Variants in PAG1 observed in about 807,000 individuals in gnomAD.
The protein encoded by PAG1 is phosphoprotein associated with glycosphingolipid-enriched microdomains 1.
A neutral mutation model predicts 31.7 loss-of-function variants in PAG1; 23 were observed. The ratio of observed to expected loss-of-function variants is 0.73; its 90% CI spans 0.52 to 1.03. The LOEUF is 1.03. Among genes scored for constraint, PAG1 ranks in the 50% least tolerant of loss-of-function variants. PAG1 has a pLI of 0.00. For missense variants in PAG1, 473 were observed against 540.7 expected, an observed-to-expected ratio of 0.87 and a Z score of 1.24; for synonymous variants, 214 against 210.3, an observed-to-expected ratio of 1.02 and a Z score of -0.15.
At chr8:81,022,890 C>T (rs1808214282) in intron 3 of PAG1, among the ~76,000 whole-genome samples, 2 of 152,256 alleles carry the variant, frequency 1.3e-5, no homozygotes, top group African/African-American at 4.8e-5. Context: ...CCCCATTGGC[C>T]TTTAATCTCC....
At position 81,083,276 on chromosome 8, in the gene PAG1, C is replaced by CT. The variant is rs1301455679; in HGVS notation, c.-233-13107dup. 3.2e-4 allele frequency among the ~76,000 whole-genome samples: 49 copies of CT among 152,266 alleles called. 1 individual carries two copies. Among genetic ancestry groups the CT allele is most frequent in the Non-Finnish European group, 1.2e-4 (8 of 68,024 alleles). ...GTTTCTGGTTCCCACATGATGTCCACTAACACCACCCCAGTTGGAGAGGAA... is the reference window on the plus strand; with the variant it reads ...GTTTCTGGTTCCCACATGATGTCCACTTAACACCACCCCAGTTGGAGAGGAA... On this transcript the variant is annotated intron_variant, in intron 1 of 8. Transcript: ENST00000220597.
chr8:81,000,734 AC>A (rs1484528865), intron 3 of PAG1, among the ~76,000 whole-genome samples: 1 of 152,082 alleles, frequency 6.6e-6, no homozygotes, highest in Non-Finnish European at 1.5e-5. Flanking sequence ...GAGCCACCGC[AC>A]CTGGCCTTAA....
intron 1 of PAG1, among the ~76,000 whole-genome samples, chr8:81,104,079 A>C (rs376335996): frequency 2.0e-4 from 23 of 112,832 alleles, no homozygotes; most frequent in African/African-American, 6.1e-4. Context: ...TCTTCCCCCC[A>C]TCCCCTTTCC....
intron 2 of PAG1, among the ~76,000 whole-genome samples, chr8:81,052,586 A>G (rs1013519873): frequency 1.3e-5 from 2 of 152,242 alleles, no homozygotes; most frequent in Non-Finnish European, 2.9e-5. Flanking sequence ...TTAAAAGTCT[A>G]CAGATAATTA....
intron 2 of PAG1, among the ~76,000 whole-genome samples, chr8:81,054,653 C>T (rs184635922): frequency 6.0e-5 from 9 of 151,260 alleles, no homozygotes; most frequent in African/African-American, 2.2e-4. Flanking sequence ...CCAGCCTGGG[C>T]AACAGAGCGA....
chr8:81,088,659 C>T (rs1203550343), intron 1 of PAG1, among the ~76,000 whole-genome samples: 1 of 152,208 alleles, frequency 6.6e-6, no homozygotes, highest in African/African-American at 2.4e-5. Flanking sequence ...ATAAATCTGC[C>T]TTGCCTATTT....
rs750574921 is a variant in PAG1, at chr8:80,987,469, G to GAAAACA, written c.178-9_178-4dup. On this transcript the variant is annotated splice_polypyrimidine_tract_variant and splice_region_variant and intron_variant, in intron 5 of 8. Coordinates refer to ENST00000220597, the MANE Select transcript of PAG1 (RefSeq NM_018440.4). ...CTGAACATCTCCTTGTCTGAAGGCT[G>GAAAACA]AAAACAAAAACAAAAACAAAAACAA... The GAAAACA allele has an allele frequency of 5.4e-5, 87 of 1,609,722 alleles. No individual in the cohort carries two copies. In the South Asian group the frequency reaches 6.3e-4, roughly 12 times the overall value.
chr8:81,104,030 C>T lies in PAG1; in HGVS notation c.-234+7561G>A, dbSNP rs547563928. 1.4e-4 allele frequency among the ~76,000 whole-genome samples: 21 copies of T among 152,116 alleles called. No homozygotes were observed. The South Asian group carries it at 1.7e-3, about 12-fold the overall frequency. On this transcript the variant is annotated intron_variant, in intron 1 of 8. Coordinates refer to ENST00000220597, the MANE Select transcript of PAG1 (RefSeq NM_018440.4). ...AAAAATAAGAAATGAAAATTCCATG[C>T]GCTTCTTGAGATCGAAATTCATGCC...
chr8:81,012,371 T>C (rs1280561541), intron 3 of PAG1, among the ~76,000 whole-genome samples: 1 of 152,230 alleles, frequency 6.6e-6, no homozygotes, highest in Non-Finnish European at 1.5e-5. Context: ...TATGTTTGCA[T>C]GTCAGCTCCA....
Position 80,976,366 on chromosome 8 carries a change from C to T in PAG1, c.*178G>A, listed in dbSNP as rs1266591484. 1.9e-5 allele frequency: 12 copies of T among 635,406 alleles called. No homozygotes were observed. The highest frequency in any genetic ancestry group is 1.6e-5 in the Non-Finnish European group (6 of 374,398). 39.4% of individuals were successfully genotyped at this position (635,406 alleles called of 1,614,324 possible). A position where few individuals can be genotyped will look rare whatever the true frequency, so the allele number is the denominator to read the frequency against. On this transcript the variant is annotated 3_prime_UTR_variant, in exon 9 of 9. Coordinates refer to ENST00000220597, the MANE Select transcript of PAG1 (RefSeq NM_018440.4). ...GGGGCACACTCAGGTGCAGCCTAGT[C>T]CGTACCTCTCTGTCTCAGAAACTGA...
rs925958289 is a variant in PAG1, at chr8:81,111,996, A to C, written c.-639T>G. 2 of 152,174 alleles carry C rather than the reference A, an allele frequency of 1.3e-5. No individual in the cohort carries two copies. The highest frequency in any genetic ancestry group is 6.5e-5 in the Admixed American group (1 of 15,280). The allele number at this position is 152,174 out of a possible 1,614,324, so 9.4% of individuals were successfully genotyped here. A position where few individuals can be genotyped will look rare whatever the true frequency, so the allele number is the denominator to read the frequency against. ...AGCCCGCCCCCAGTCGGCTGGTCAC[A>C]TCGCGGGCGCGCAGACGGACAAGCG... On this transcript the variant is annotated 5_prime_UTR_variant, in exon 1 of 9. The change abolishes an upstream ATG in the 5' untranslated region. Coordinates refer to ENST00000220597, the MANE Select transcript of PAG1 (RefSeq NM_018440.4).
intron 2 of PAG1, among the ~76,000 whole-genome samples, chr8:81,056,057 T>C (rs547637034): frequency 0.011 from 1,727 of 152,282 alleles, 39 homozygotes; most frequent in African/African-American, 0.037. Context: ...GGAATGCTTC[T>C]AGTTTTTGCC....
Position 80,976,429 on chromosome 8 carries a change from T to A in PAG1, c.*115A>T, listed in dbSNP as rs953500335. The A allele has an allele frequency of 2.9e-5, 31 of 1,081,982 alleles. 1 individual carries two copies. The highest frequency in any genetic ancestry group is 9.5e-5 in the South Asian group (6 of 63,470). The allele number at this position is 1,081,982 out of a possible 1,614,324, so 67.0% of individuals were successfully genotyped here. A position where few individuals can be genotyped will look rare whatever the true frequency, so the allele number is the denominator to read the frequency against. On this transcript the variant is annotated 3_prime_UTR_variant, in exon 9 of 9. Transcript: ENST00000220597. ...ACAGTCGACAGGGCCTCTCCAACCATCTTCAGGTGACTAAAGCAGCATATG... is the reference window on the plus strand; with the variant it reads ...ACAGTCGACAGGGCCTCTCCAACCAACTTCAGGTGACTAAAGCAGCATATG...
intron 1 of PAG1, among the ~76,000 whole-genome samples, chr8:81,100,480 T>C (rs942754915): frequency 6.6e-6 from 1 of 152,208 alleles, no homozygotes; most frequent in Non-Finnish European, 1.5e-5. Flanking sequence ...GTGGAATGTA[T>C]AGCAGCATCC....
intron 2 of PAG1, among the ~76,000 whole-genome samples, chr8:81,044,200 G>A (rs1808603545): frequency 6.6e-6 from 1 of 152,158 alleles, no homozygotes; most frequent in South Asian, 2.1e-4. Context: ...CCCTAAAAAT[G>A]TTAAAGTCCT....
At position 80,975,591 on chromosome 8, in the gene PAG1, C is replaced by A. The variant is rs888106831; in HGVS notation, c.*953G>T. The A allele has an allele frequency of 6.6e-6, 1 of 152,182 alleles. No individual in the cohort carries two copies. Among genetic ancestry groups the A allele is most frequent in the Admixed American group, 6.5e-5 (1 of 15,292 alleles). 9.4% of individuals were successfully genotyped at this position (152,182 alleles called of 1,614,324 possible). A position where few individuals can be genotyped will look rare whatever the true frequency, so the allele number is the denominator to read the frequency against. On this transcript the variant is annotated 3_prime_UTR_variant, in exon 9 of 9. Coordinates refer to ENST00000220597, the MANE Select transcript of PAG1 (RefSeq NM_018440.4). ...GGCAGCGGAGACCATGGGAAATACACATTCATGTCCACAGCCCTTCAGCGA... is the reference window on the plus strand; with the variant it reads ...GGCAGCGGAGACCATGGGAAATACAAATTCATGTCCACAGCCCTTCAGCGA...
chr8:81,041,895 G>A (rs762108985), intron 2 of PAG1, among the ~76,000 whole-genome samples: 5 of 152,160 alleles, frequency 3.3e-5, no homozygotes, highest in Non-Finnish European at 5.9e-5. Context: ...GTAGTACCAT[G>A]AATGAGGAAG....
intron 2 of PAG1, among the ~76,000 whole-genome samples, chr8:81,068,149 G>A (rs1426471820): frequency 1.3e-5 from 2 of 152,110 alleles, no homozygotes; most frequent in African/African-American, 4.8e-5. Context: ...TGCTCGCCTC[G>A]GCCTCCTAGA....
In PAG1 at chr8:80,975,784, C is replaced by G. The variant is rs190325577; in HGVS notation, c.*760G>C. 1 of 152,158 alleles carries G rather than the reference C, an allele frequency of 6.6e-6. No individual in the cohort carries two copies. The highest frequency in any genetic ancestry group is 2.4e-5 in the African/African-American group (1 of 41,438). The allele number at this position is 152,158 out of a possible 1,614,324, so 9.4% of individuals were successfully genotyped here. ...GAGTTTTCAAACACTGGGGGAAACA[C>G]GTTTTTGACTAGAAAAATAAAATAA... On this transcript the variant is annotated 3_prime_UTR_variant, in exon 9 of 9. Transcript: ENST00000220597.
Sources: gnomAD v4.1 joint callset for allele counts (sites outside exome capture counted in the v4.1 genomes callset) on GRCh38, gnomAD v4.1.1 for gene constraint, MANE v1.5 for transcripts, NCBI Gene and HGNC (gene_info 2026-07-23, HGNC 2026-07-21) for gene names.